The following PARP10 variants were observed in gnomAD, a reference collection of about 807,000 sequenced individuals.
PARP10 encodes protein mono-ADP-ribosyltransferase PARP10.
Under a neutral mutation model 82.4 loss-of-function variants are expected in PARP10, and 56 were observed. That is an observed-to-expected ratio of 0.68 (90% CI 0.55 to 0.85). PARP10 has a LOEUF of 0.85. PARP10 is among the 40% of genes least tolerant of loss of function. The probability of loss-of-function intolerance (pLI) is 0.00; values close to 1 mark genes in which losing one functional copy is unlikely to be tolerated. For missense variants in PARP10, 1,227 were observed against 1,379.4 expected (o/e 0.89, Z 1.75); for synonymous variants, 576 against 601.1 (o/e 0.96, Z 0.61).
intron 1 of PARP10, among the ~76,000 whole-genome samples, chr8:144,006,792 A>G (rs1834239454): frequency 6.6e-6 from 1 of 152,188 alleles, no homozygotes; most frequent in African/African-American, 2.4e-5. Context: ...GCACCAGGAA[A>G]GGGTCCTCAC....
intron 1 of PARP10, among the ~76,000 whole-genome samples, chr8:144,003,498 T>C (rs1353592374): frequency 6.6e-6 from 1 of 150,920 alleles, no homozygotes; most frequent in African/African-American, 2.4e-5. Flanking sequence ...TTTGTAAAAC[T>C]GTCCTGTGAT....
At chr8:143,999,946 CTTAA>C (rs1324889293) in intron 1 of PARP10, among the ~76,000 whole-genome samples, 5 of 152,032 alleles carry the variant, frequency 3.3e-5, no homozygotes, top group African/African-American at 9.7e-5. Flanking sequence ...CACAAATACC[CTTAA>C]TTAGAGTCCC....
chr8:144,006,691 A>T (rs1770821716), intron 1 of PARP10, among the ~76,000 whole-genome samples: 1 of 152,184 alleles, frequency 6.6e-6, no homozygotes, highest in African/African-American at 2.4e-5. Context: ...TGATGAGGTC[A>T]TGAGGGTGGA....
chr8:143,983,137 A>C, intron 8 of PARP10, 30 bp downstream of exon 8: 1 of 1,611,926 alleles, frequency 6.2e-7, no homozygotes, highest in Non-Finnish European at 8.5e-7. Flanking sequence ...AGCCCACCCC[A>C]CCGTCCCTCA....
Position 144,008,842 on chromosome 8 carries a change from C to T in PARP10, c.-80+3688G>A, listed in dbSNP as rs913295462. ...CAACAGACTTGGATACCAAAGGACACTTTGTATATAAAACATAACAAAAAG... is the reference window on the plus strand; with the variant it reads ...CAACAGACTTGGATACCAAAGGACATTTTGTATATAAAACATAACAAAAAG... On this transcript the variant is annotated intron_variant, in intron 1 of 3. Transcript: ENST00000530478. This position sits in a 1 kb window ranked among gnomAD's most constrained non-coding sequence, Gnocchi z 4.0. Among the ~76,000 whole-genome samples the T allele has an allele frequency of 3.3e-5, 5 of 152,072 alleles. No homozygotes were observed. The highest frequency in any genetic ancestry group is 1.2e-4 in the African/African-American group (5 of 41,380).
Position 143,977,839 on chromosome 8 carries a change from C to A in PARP10, c.2732-9G>T, listed in dbSNP as rs1554746664. On this transcript the variant is annotated splice_polypyrimidine_tract_variant and intron_variant, in intron 10 of 10. Transcript: ENST00000313028. ...CTTCCCGTAGACCGTGGCTGCAGGG[C>A]GAGACGGGGCAAGGTCAGGGTGGTC... 2 of 1,596,442 alleles carry A rather than the reference C, an allele frequency of 1.3e-6. No homozygotes were observed. Among genetic ancestry groups the A allele is most frequent in the Non-Finnish European group, 1.7e-6 (2 of 1,172,226 alleles).
rs1554746867 is a variant in PARP10, at chr8:143,978,088, G to A, written c.2557-7C>T. On this transcript the variant is annotated splice_region_variant and splice_polypyrimidine_tract_variant and intron_variant, in intron 9 of 10. Coordinates refer to ENST00000313028, the MANE Select transcript of PARP10 (RefSeq NM_032789.5). ...GGTGCGACACGCGCTCCACCTGCGGGGAAGGCCCGGGCCAGGATTAAACAC... is the reference window on the plus strand; with the variant it reads ...GGTGCGACACGCGCTCCACCTGCGGAGAAGGCCCGGGCCAGGATTAAACAC... The A allele has an allele frequency of 1.3e-6, 2 of 1,502,666 alleles. No individual in the cohort carries two copies. Among genetic ancestry groups the A allele is most frequent in the Non-Finnish European group, 8.9e-7 (1 of 1,126,486 alleles). The allele number at this position is 1,502,666 out of a possible 1,614,324, so 93.1% of individuals were successfully genotyped here.
At chr8:144,001,158 C>T (rs1479225048) in intron 1 of PARP10, among the ~76,000 whole-genome samples, 1 of 151,758 alleles carries the variant, frequency 6.6e-6, no homozygotes, top group African/African-American at 2.4e-5. Flanking sequence ...TCGTGATCTG[C>T]CCGCCTCAGC....
intron 9 of PARP10, 95 bp downstream of exon 9, chr8:143,982,837 T>A (rs782236309): frequency 1.3e-6 from 2 of 1,538,234 alleles, no homozygotes; most frequent in East Asian, 4.5e-5. Flanking sequence ...CTGACCTTGA[T>A]GTAGGCGAGA....
At chr8:143,987,395 A>G (rs1834009037), upstream of PARP10, among the ~76,000 whole-genome samples, 1 of 151,464 alleles carries the variant, frequency 6.6e-6, no homozygotes, top group African/African-American at 2.4e-5. Context: ...GCCAGCCTGC[A>G]CTCCTAGCCC....
At chr8:143,986,255 G>A (rs1554749373) in intron 1 of PARP10, 22 bp from the exon 2 acceptor site, 5 of 1,613,700 alleles carry the variant, frequency 3.1e-6, no homozygotes, top group Non-Finnish European at 4.2e-6. Flanking sequence ...CATCAGGTGG[G>A]TAGGGAAACA....
chr8:143,984,821 A>C lies in PARP10; in HGVS notation c.1181T>G (p.Leu394Trp). Residue 394 changes from leucine (L) to tryptophan (W), a missense_variant, in exon 5 of 11, where the codon TTG (leucine) becomes TGG (tryptophan). By Grantham distance (61) the Leu-to-Trp change is moderately conservative. Coordinates refer to ENST00000313028, the MANE Select transcript of PARP10 (RefSeq NM_032789.5). ...TTCCACCAGGCCCTCCTGCCCCAGCAACCCCTTAGAGGTCTCCACTGGGCC... is the reference window on the plus strand; with the variant it reads ...TTCCACCAGGCCCTCCTGCCCCAGCCACCCCTTAGAGGTCTCCACTGGGCC... Reference protein sequence around the residue: ...SAGPVETSKGLLGQEGLVEIA... With the variant: ...SAGPVETSKGWLGQEGLVEIA... 6.2e-7 allele frequency: 1 copy of C among 1,612,484 alleles called. No individual in the cohort carries two copies. Among genetic ancestry groups the C allele is most frequent in the African/African-American group, 1.3e-5 (1 of 74,834 alleles).
At chr8:143,989,496 G>A (rs1298487200), upstream of PARP10, 2 of 152,256 alleles carry the variant, frequency 1.3e-5, no homozygotes, top group East Asian at 1.9e-4. This position sits in a 1 kb window ranked among gnomAD's most constrained non-coding sequence, Gnocchi z 4.3. Flanking sequence ...AAATGCCTGA[G>A]CTGATGGATA....
rs781848030 is a variant in PARP10, at chr8:143,985,049, C to T, written c.953G>A (p.Gly318Glu). Residue 318 changes from glycine (G) to glutamate (E), a missense_variant, in exon 5 of 11, where the codon GGG (glycine) becomes GAG (glutamate). By Grantham distance (98) the Gly-to-Glu change is moderately conservative. Transcript: ENST00000313028. Reference sequence around the variant, plus strand: ...CTGGCCAGAGCCTGTTGTCATAATCCCTCTACCCTGCACCATGGGACCTGT... The same window carrying T: ...CTGGCCAGAGCCTGTTGTCATAATCTCTCTACCCTGCACCATGGGACCTGT... ...LRTGPMVQGR[G>E]IMTTGSGQEP... 5.6e-6 allele frequency: 9 copies of T among 1,613,802 alleles called. No homozygotes were observed. The highest frequency in any genetic ancestry group is 2.2e-5 in the South Asian group (2 of 91,082).
At chr8:143,986,756 A>C, upstream of PARP10, 1 of 318,234 alleles carries the variant, frequency 3.1e-6, no homozygotes, top group Non-Finnish European at 6.0e-6. Context: ...TAAACCCACC[A>C]AGGGGCCTGA....
chr8:144,005,477 C>T (rs1834230475), intron 1 of PARP10, among the ~76,000 whole-genome samples: 1 of 152,148 alleles, frequency 6.6e-6, no homozygotes, highest in South Asian at 2.1e-4. Flanking sequence ...CAATCATAAT[C>T]GTATGAACTG....
upstream of PARP10, chr8:143,992,504 G>A (rs782397268): frequency 2.5e-6 from 4 of 1,614,144 alleles, no homozygotes; most frequent in Non-Finnish European, 3.4e-6. Context: ...CGTGCTCCTG[G>A]TGAGCATGGT....
intron 1 of PARP10, among the ~76,000 whole-genome samples, chr8:144,007,496 A>T (rs1263966491): frequency 6.6e-6 from 1 of 152,232 alleles, no homozygotes; most frequent in Admixed American, 6.5e-5. Flanking sequence ...ATTCCTTTAG[A>T]AAAAGGAAAA....
chr8:143,991,093 C>G, upstream of PARP10: 1 of 627,904 alleles, frequency 1.6e-6, no homozygotes, highest in Admixed American at 2.9e-5. Flanking sequence ...TCACGGTCTT[C>G]CCTTGCTTCC....
Sources: gnomAD v4.1 joint callset for allele counts (sites outside exome capture counted in the v4.1 genomes callset) on GRCh38, gnomAD v4.1.1 for gene constraint, Gnocchi (gnomAD v3.1) non-coding constraint, MANE v1.5 for transcripts, NCBI Gene and HGNC (gene_info 2026-07-23, HGNC 2026-07-21) for gene names.